Variants in SLC6A6 observed in about 807,000 individuals in gnomAD.
SLC6A6 encodes sodium- and chloride-dependent taurine transporter.
A neutral mutation model predicts 68.8 loss-of-function variants in SLC6A6; 16 were observed. That is an observed-to-expected ratio of 0.23 (90% CI 0.16 to 0.35). The LOEUF (loss-of-function observed/expected upper bound fraction) is 0.35. Among genes scored for constraint, SLC6A6 ranks in the 10% least tolerant of loss-of-function variants. SLC6A6 has a pLI of 1.00. For missense variants in SLC6A6, 474 were observed against 802.8 expected (o/e 0.59, Z 4.95); for synonymous variants, 312 against 315.4 (o/e 0.99, Z 0.12).
intron 4 of SLC6A6, 104 bp downstream of exon 4, chr3:14,445,955 C>G (rs1423433309): frequency 8.7e-7 from 1 of 1,148,190 alleles, no homozygotes; most frequent in African/African-American, 1.5e-5. Context: ...TCATGCACAT[C>G]ACTTAGCTCT....
intron 6 of SLC6A6, among the ~76,000 whole-genome samples, chr3:14,460,440 G>A (rs961908349): frequency 6.6e-6 from 1 of 152,070 alleles, no homozygotes; most frequent in African/African-American, 2.4e-5. Context: ...TCTAGGCAAA[G>A]ATGTGAAGGA....
chr3:14,426,085 C>G (rs559875162), intron 2 of SLC6A6, among the ~76,000 whole-genome samples: 2 of 152,310 alleles, frequency 1.3e-5, no homozygotes, highest in South Asian at 4.1e-4. Context: ...TTCAAGAGAC[C>G]TGGATTCTAA....
At position 14,450,186 on chromosome 3, in the gene SLC6A6, G is replaced by A. The variant is rs1022677008; in HGVS notation, c.599+2370G>A. 1.3e-5 allele frequency among the ~76,000 whole-genome samples: 2 copies of A among 152,068 alleles called. No homozygotes were observed. Among genetic ancestry groups the A allele is most frequent in the Non-Finnish European group, 1.5e-5 (1 of 67,990 alleles). On this transcript the variant is annotated intron_variant, in intron 5 of 14. Transcript: ENST00000622186. The surrounding 1 kb of genome is among the most constrained non-coding windows in gnomAD (Gnocchi z 4.1). ...TCCTCTTCTGGGCTCTGCTTGTCTC[G>A]CTGTTGTCTAGGACCCAGGGGTCTT...
chr3:14,415,499 A>T (rs535544452), intron 1 of SLC6A6, among the ~76,000 whole-genome samples: 180 of 151,520 alleles, frequency 1.2e-3, no homozygotes, highest in Non-Finnish European at 2.0e-3. Context: ...TCCCCCTGAG[A>T]CACCCACTGC....
intron 1 of SLC6A6, among the ~76,000 whole-genome samples, 165 bp from the exon 2 acceptor site, chr3:14,416,247 T>G (rs1012700595): frequency 6.6e-6 from 1 of 152,194 alleles, no homozygotes; most frequent in African/African-American, 2.4e-5. Context: ...TGTGTGAGTA[T>G]GCATGTGTGA....
chr3:14,462,185 G>A (rs900469878), intron 6 of SLC6A6, among the ~76,000 whole-genome samples: 5 of 152,240 alleles, frequency 3.3e-5, no homozygotes, highest in Admixed American at 2.6e-4. Flanking sequence ...AAAGTTGAAA[G>A]CATGGCTCTC....
At chr3:14,449,565 G>T (rs1700208917) in intron 5 of SLC6A6, among the ~76,000 whole-genome samples, 1 of 152,142 alleles carries the variant, frequency 6.6e-6, no homozygotes. Flanking sequence ...ACATTGACTG[G>T]CCTGCCTGGG....
Position 14,477,492 on chromosome 3 carries a change from G to A in SLC6A6, c.1347+150G>A, listed in dbSNP as rs1161753176. 5 of 765,676 alleles carry A rather than the reference G, an allele frequency of 6.5e-6. No individual in the cohort carries two copies. Among genetic ancestry groups the A allele is most frequent in the South Asian group, 1.7e-5 (1 of 57,482 alleles). 47.4% of individuals were successfully genotyped at this position (765,676 alleles called of 1,614,324 possible). On this transcript the variant is annotated intron_variant, in intron 11 of 14. Transcript: ENST00000622186. This position sits in a 1 kb window ranked among gnomAD's most constrained non-coding sequence, Gnocchi z 4.2. ...AGGGGTCCTGCTTGGACCAACACTG[G>A]GGGTAGCACGAGGGGGCTCAGGAGC...
At chr3:14,471,208 G>C (rs947690593) in intron 9 of SLC6A6, among the ~76,000 whole-genome samples, 19 of 140,558 alleles carry the variant, frequency 1.4e-4, no homozygotes, top group African/African-American at 4.8e-4. Context: ...ACAGGTCTCA[G>C]TTAACAATTA....
chr3:14,474,387 A>G (rs1194891063), intron 10 of SLC6A6, among the ~76,000 whole-genome samples: 1 of 152,046 alleles, frequency 6.6e-6, no homozygotes, highest in Non-Finnish European at 1.5e-5. Flanking sequence ...CCACACATTT[A>G]CCATCTAAAC....
chr3:14,476,050 C>G (rs970854678), intron 10 of SLC6A6, among the ~76,000 whole-genome samples: 7 of 152,326 alleles, frequency 4.6e-5, no homozygotes, highest in South Asian at 4.1e-4. Context: ...AAGCCTCGTT[C>G]AGATGAAAGG....
At chr3:14,405,002 A>G (rs903321946) in intron 1 of SLC6A6, among the ~76,000 whole-genome samples, 10 of 152,234 alleles carry the variant, frequency 6.6e-5, no homozygotes, top group African/African-American at 2.2e-4. Context: ...TTATAGATGG[A>G]CAAACTGAGA....
At chr3:14,412,778 A>G (rs6765103) in intron 1 of SLC6A6, among the ~76,000 whole-genome samples, 39,290 of 152,122 alleles carry the variant, frequency 0.26, 5,482 homozygotes, top group African/African-American at 0.35. Flanking sequence ...AGCCTCCTAT[A>G]CATTAAAAGC....
chr3:14,422,183 C>T (rs1034600267), intron 2 of SLC6A6, among the ~76,000 whole-genome samples: 5 of 152,124 alleles, frequency 3.3e-5, no homozygotes, highest in African/African-American at 1.2e-4. Flanking sequence ...GGGCTGCAGA[C>T]AGCCTCGGGG....
At chr3:14,427,345 C>A (rs990540999) in intron 2 of SLC6A6, among the ~76,000 whole-genome samples, 10 of 152,158 alleles carry the variant, frequency 6.6e-5, no homozygotes, top group African/African-American at 1.9e-4. Flanking sequence ...CCTGTGAGGT[C>A]GATGCCATTA....
intron 2 of SLC6A6, among the ~76,000 whole-genome samples, chr3:14,419,505 G>A (rs942663044): frequency 1.3e-5 from 2 of 152,220 alleles, no homozygotes; most frequent in Non-Finnish European, 2.9e-5. Context: ...ATGTAGTGGA[G>A]TCCATGGAGC....
intron 2 of SLC6A6, among the ~76,000 whole-genome samples, chr3:14,421,508 TCTAA>T (rs1441227396): frequency 6.6e-6 from 1 of 152,220 alleles, no homozygotes; most frequent in African/African-American, 2.4e-5. Context: ...AGTTAGCAGT[TCTAA>T]CTGTGAACGT....
chr3:14,412,413 C>T (rs1469850000), intron 1 of SLC6A6, among the ~76,000 whole-genome samples: 1 of 152,228 alleles, frequency 6.6e-6, no homozygotes, highest in Non-Finnish European at 1.5e-5. Flanking sequence ...GGTGTGGTGG[C>T]TCACGCCTGT....
intron 2 of SLC6A6, among the ~76,000 whole-genome samples, chr3:14,432,162 T>C (rs1429224983): frequency 6.6e-6 from 1 of 152,206 alleles, no homozygotes; most frequent in African/African-American, 2.4e-5. Context: ...TGCCCTCTGC[T>C]TTTCATAGCC....
Sources: gnomAD v4.1 joint callset for allele counts (sites outside exome capture counted in the v4.1 genomes callset) on GRCh38, gnomAD v4.1.1 for gene constraint, Gnocchi (gnomAD v3.1) non-coding constraint, MANE v1.5 for transcripts, NCBI Gene and HGNC (gene_info 2026-07-23, HGNC 2026-07-21) for gene names.